ZNF257: variants seen among roughly 807,000 people sequenced by gnomAD.
ZNF257 encodes bone marrow zinc finger 4.
Under a neutral mutation model 11.9 loss-of-function variants are expected in ZNF257, and 12 were observed. That is an observed-to-expected ratio of 1.01 (90% CI 0.65 to 1.63). ZNF257 has a LOEUF of 1.63. Ranked by LOEUF, ZNF257 falls within the 40% of genes most tolerant of loss-of-function variation. The pLI, the probability that ZNF257 is intolerant of heterozygous loss-of-function variation, is 0.00. For missense variants in ZNF257, 580 were observed against 665.5 expected (o/e 0.87, Z 1.41); for synonymous variants, 183 against 222.7 (o/e 0.82, Z 1.59).
chr19:22,074,891 C>T (rs2022191201), intron 3 of ZNF257, among the ~76,000 whole-genome samples: 1 of 151,798 alleles, frequency 6.6e-6, no homozygotes, highest in African/African-American at 2.4e-5. Flanking sequence ...TTTTTGAAAA[C>T]TGTTTTGACT....
At chr19:22,082,492 T>C (rs150429451) in intron 3 of ZNF257, among the ~76,000 whole-genome samples, 1 of 152,304 alleles carries the variant, frequency 6.6e-6, no homozygotes, top group East Asian at 1.9e-4. Flanking sequence ...GCATTTTTTA[T>C]AGGACAGTGC....
chr19:22,055,355 A>AC (rs1469835109), intron 1 of ZNF257, among the ~76,000 whole-genome samples: 2 of 151,910 alleles, frequency 1.3e-5, no homozygotes, highest in South Asian at 4.2e-4. Flanking sequence ...AAAGGTGCCC[A>AC]CCCCAACGTT....
intron 2 of ZNF257, 74 bp from the exon 3 acceptor site, chr19:22,073,395 T>C: frequency 1.4e-6 from 2 of 1,454,798 alleles, no homozygotes; most frequent in Admixed American, 2.2e-5. Flanking sequence ...TTACATTCTC[T>C]TTATTGAGCA....
At chr19:22,065,427 C>G (rs191407365) in intron 1 of ZNF257, among the ~76,000 whole-genome samples, 1 of 151,976 alleles carries the variant, frequency 6.6e-6, no homozygotes, top group Non-Finnish European at 1.5e-5. Context: ...CTCGAACTCC[C>G]GACCTCAGGT....
At chr19:22,062,018 A>C (rs904001616) in intron 1 of ZNF257, among the ~76,000 whole-genome samples, 5 of 151,364 alleles carry the variant, frequency 3.3e-5, no homozygotes, top group African/African-American at 1.2e-4. Flanking sequence ...GCTTTTTGAT[A>C]TGCTGTTGGC....
At chr19:22,055,613 T>C (rs916227356) in intron 1 of ZNF257, among the ~76,000 whole-genome samples, 2 of 152,198 alleles carry the variant, frequency 1.3e-5, no homozygotes, top group African/African-American at 4.8e-5. Flanking sequence ...CAGTGGGGCA[T>C]AGTGCAGTTT....
At position 22,073,567 on chromosome 19, in the gene ZNF257, A is replaced by G. The variant is rs202018012; in HGVS notation, c.226+3A>G. ...TGAGATGGTAGCCAAACCCCCAGGT[A>G]GGTGAGAGTGAAAGCCAGTACAACA... On this transcript the variant is annotated splice_donor_region_variant and intron_variant, in intron 3 of 3. Coordinates refer to ENST00000594947, the MANE Select transcript of ZNF257 (RefSeq NM_033468.4). The G allele has an allele frequency of 4.5e-4, 726 of 1,609,512 alleles. No homozygotes were observed. The highest frequency in any genetic ancestry group is 5.7e-4 in the Non-Finnish European group (669 of 1,178,104).
intron 1 of ZNF257, among the ~76,000 whole-genome samples, chr19:22,059,743 G>A (rs779788350): frequency 2.0e-5 from 3 of 150,018 alleles, no homozygotes; most frequent in South Asian, 2.1e-4. Flanking sequence ...TATATTTGAA[G>A]AAAGGGTCTT....
Position 22,089,037 on chromosome 19 carries a change from A to G in ZNF257, c.1287A>G (p.Lys429=), listed in dbSNP as rs747947068. ...ATAAGATAATTCATACTGGAGAGAA[A>G]CCCTACAAATGTGAAGAGTGTGGCA... is the stretch of plus-strand genomic sequence containing the variant. ...TQHKIIHTGE[K]PYKCEECGKA... is the part of the protein sequence containing the mutation. The change falls in exon 4 of 4, where the codon AAA becomes AAG. Residue 429 remains lysine, a synonymous_variant. Transcript: ENST00000594947. The G allele has an allele frequency of 1.2e-6, 2 of 1,613,576 alleles. No individual in the cohort carries two copies. The highest frequency in any genetic ancestry group is 1.7e-6 in the Non-Finnish European group (2 of 1,179,822).
In ZNF257 at chr19:22,091,459, T is replaced by TCA. The variant is rs1204447248; in HGVS notation, c.*2018_*2019dup. 6.4e-3 allele frequency: 211 copies of TCA among 32,900 alleles called. No individual in the cohort carries two copies. Among genetic ancestry groups the TCA allele is most frequent in the African/African-American group, 0.023 (202 of 8,826 alleles). 2.0% of individuals were successfully genotyped at this position (32,900 alleles called of 1,614,324 possible). A position where few individuals can be genotyped will look rare whatever the true frequency, so the allele number is the denominator to read the frequency against. ...TAGGCAACAAGAGCAAGACTTCGTC[T>TCA]CAAAAAAAAAAAAAAAAAAAAGACT... is the stretch of plus-strand genomic sequence containing the variant. On this transcript the variant is annotated 3_prime_UTR_variant, in exon 4 of 4. Transcript: ENST00000594947.
intron 1 of ZNF257, among the ~76,000 whole-genome samples, chr19:22,058,526 A>C (rs2021704865): frequency 2.0e-5 from 3 of 152,152 alleles, no homozygotes; most frequent in Admixed American, 2.0e-4. Context: ...GTCTGTGCTG[A>C]ATGGGTGGTG....
intron 3 of ZNF257, among the ~76,000 whole-genome samples, chr19:22,080,157 A>G (rs1318241782): frequency 1.3e-5 from 2 of 151,830 alleles, no homozygotes; most frequent in East Asian, 3.9e-4. Flanking sequence ...TTTTTTTATT[A>G]TTTGTAGGAA....
intron 1 of ZNF257, among the ~76,000 whole-genome samples, chr19:22,059,487 A>T (rs2021734394): frequency 6.6e-6 from 1 of 151,896 alleles, no homozygotes; most frequent in African/African-American, 2.4e-5. Flanking sequence ...GGGTTTCACC[A>T]TGTTGGCCAG....
In ZNF257 at chr19:22,073,495, A is replaced by G. The variant is rs753725326; in HGVS notation, c.157A>G (p.Ile53Val). 3.1e-6 allele frequency: 5 copies of G among 1,611,866 alleles called. No homozygotes were observed. The highest frequency in any genetic ancestry group is 4.2e-6 in the Non-Finnish European group (5 of 1,179,194). ...TATTGCTGTCTCTAAGCCAGACCTGATCACCTGTCTGGAGCAAGGAAAAGA... is the reference window on the plus strand; with the variant it reads ...TATTGCTGTCTCTAAGCCAGACCTGGTCACCTGTCTGGAGCAAGGAAAAGA... ...LGIAVSKPDL[I>V]TCLEQGKEPC... is the part of the protein sequence containing the mutation. The change falls in exon 3 of 4, where the codon ATC becomes GTC. Residue 53 changes from isoleucine (I) to valine (V), a missense_variant. Transcript: ENST00000594947.
rs1014197175 is a variant in ZNF257 at position 22,072,990 on chromosome 19, A to G, written c.130+55A>G. The G allele has an allele frequency of 3.5e-6, 5 of 1,421,930 alleles. No homozygotes were observed. In the Admixed American group the frequency reaches 8.2e-5, roughly 23 times the overall value. The allele number at this position is 1,421,930 out of a possible 1,614,324, so 88.1% of individuals were successfully genotyped here. A position where few individuals can be genotyped will look rare whatever the true frequency, so the allele number is the denominator to read the frequency against. ...ATATACTCCAAAGGCTTTATTTTTT[A>G]TTTATTTTTTTTTTTGTAGAATGTT... On this transcript the variant is annotated intron_variant, in intron 2 of 3. Coordinates refer to ENST00000594947, the MANE Select transcript of ZNF257 (RefSeq NM_033468.4).
At chr19:22,077,189 T>C (rs550081161) in intron 3 of ZNF257, among the ~76,000 whole-genome samples, 1 of 152,224 alleles carries the variant, frequency 6.6e-6, no homozygotes, top group African/African-American at 2.4e-5. Flanking sequence ...CATGGGGGTA[T>C]GCACCTGTGG....
At chr19:22,059,195 A>G (rs1275420640) in intron 1 of ZNF257, among the ~76,000 whole-genome samples, 1 of 152,014 alleles carries the variant, frequency 6.6e-6, no homozygotes, top group Non-Finnish European at 1.5e-5. Context: ...GGTTTGTTAT[A>G]TAGGTAAAAT....
chr19:22,069,952 G>A (rs2022060852), intron 1 of ZNF257, among the ~76,000 whole-genome samples: 1 of 152,090 alleles, frequency 6.6e-6, no homozygotes, highest in Non-Finnish European at 1.5e-5. Flanking sequence ...CCCTGCTCCA[G>A]TTCTGTTCAG....
chr19:22,068,986 C>A (rs2022031143), intron 1 of ZNF257, among the ~76,000 whole-genome samples: 1 of 152,072 alleles, frequency 6.6e-6, no homozygotes, highest in Non-Finnish European at 1.5e-5. Context: ...GAGTGGTTAA[C>A]TCTGCTTCTG....
Sources: allele counts gnomAD v4.1 joint callset (sites outside exome capture counted in the v4.1 genomes callset), GRCh38; gene constraint gnomAD v4.1.1; transcripts MANE v1.5; gene names NCBI Gene and HGNC (gene_info 2026-07-23, HGNC 2026-07-21).